The following SLC52A3 variants were observed in gnomAD, a reference collection of about 807,000 sequenced individuals.
SLC52A3 encodes solute carrier family 52 member 3, also known as solute carrier family 52, riboflavin transporter, member 3.
Under a neutral mutation model 29.5 loss-of-function variants are expected in SLC52A3, and 20 were observed. That is an observed-to-expected ratio of 0.68 (90% CI 0.48 to 0.99). SLC52A3 has a LOEUF of 0.99. SLC52A3 is among the 50% of genes least tolerant of loss of function. The pLI is 0.00. For synonymous variants in SLC52A3, 301 were observed against 271.0 expected (o/e 1.11, Z -1.09); for missense variants, 548 against 612.9 (o/e 0.89, Z 1.12).
rs1986654778 is a variant in SLC52A3, at chr20:765,562, T to G, written c.213A>C (p.Glu71Asp). The G allele has an allele frequency of 1.3e-6, 2 of 1,578,988 alleles. No homozygotes were observed. Among genetic ancestry groups the G allele is most frequent in the African/African-American group, 2.7e-5 (2 of 74,292 alleles). ...CCAGCAGGGTGAAGATGATGGGCAC[T>G]TCGGAAAGGCAGCTGGGCCGGAAGT... ...LHHFRPSCLS[E>D]VPIIFTLLGV... The change falls in exon 2 of 5, where the codon GAA (glutamate) becomes GAC (aspartate). Residue 71 changes from glutamate to aspartate, a missense_variant. Glu to Asp is a conservative substitution (Grantham distance 45). Transcript: ENST00000645534. The surrounding 1 kb of genome is among the most constrained non-coding windows in gnomAD (Gnocchi z 6.6).
At chr20:766,576 T>C (rs6085770) in intron 1 of SLC52A3, among the ~76,000 whole-genome samples, 139,716 of 151,946 alleles carry the variant, frequency 0.92, 65,193 homozygotes, top group East Asian at 1. Context: ...GAAGCTCCCC[T>C]ACTGAGCACC....
At chr20:776,510 A>T (rs1289861767), upstream of SLC52A3, among the ~76,000 whole-genome samples, 1 of 152,156 alleles carries the variant, frequency 6.6e-6, no homozygotes, top group East Asian at 1.9e-4. Context: ...TATTTTCCAG[A>T]TGAAGAAACA....
chr20:762,405 T>C (rs1986521109), intron 3 of SLC52A3, among the ~76,000 whole-genome samples: 1 of 152,180 alleles, frequency 6.6e-6, no homozygotes, highest in Non-Finnish European at 1.5e-5. Flanking sequence ...GGCAGCTGGC[T>C]TGTTGCTGCT....
At chr20:775,313 C>T (rs1986982161) in intron 1 of SLC52A3, among the ~76,000 whole-genome samples, 2 of 147,654 alleles carry the variant, frequency 1.4e-5, no homozygotes, top group Non-Finnish European at 3.0e-5. Context: ...GTCGCTCTGT[C>T]ACCCAGGCTG....
chr20:765,278 C>T lies in SLC52A3; in HGVS notation c.497G>A (p.Cys166Tyr). Reference sequence around the variant, plus strand: ...GTCTGATATCTCAGTGACATTGACGCAGGTAGTGAGACCGGAGCCCTGGGC... The same window carrying T: ...GTCTGATATCTCAGTGACATTGACGTAGGTAGTGAGACCGGAGCCCTGGGC... ...ALAQGSGLTTCVNVTEISDSV... is the reference protein window; with the variant it reads ...ALAQGSGLTTYVNVTEISDSV... Residue 166 changes from cysteine (C) to tyrosine (Y), a missense_variant, in exon 2 of 5, where the codon TGC (cysteine) becomes TAC (tyrosine). Cys to Tyr is a radical substitution (Grantham distance 194). Coordinates refer to ENST00000645534, the MANE Select transcript of SLC52A3 (RefSeq NM_033409.4). The surrounding 1 kb of genome is among the most constrained non-coding windows in gnomAD (Gnocchi z 6.6). The T allele has an allele frequency of 6.2e-7, 1 of 1,614,112 alleles. No homozygotes were observed. Among genetic ancestry groups the T allele is most frequent in the African/African-American group, 1.3e-5 (1 of 75,028 alleles).
chr20:763,557 G>T lies in SLC52A3; in HGVS notation c.1014C>A (p.Ala338=). The stretch of plus-strand genomic sequence containing the variant: ...GAGGGTTGGCCACAATGCTGAGGGT[G>T]GCAGCCAGGTGGTAGGCAACTGGCC... ...SYGPVAYHLA[A]TLSIVANPLA... is the part of the protein sequence containing the mutation. The change falls in exon 3 of 5, where the codon GCC becomes GCA. Residue 338 remains alanine, a synonymous_variant. Coordinates refer to ENST00000645534, the MANE Select transcript of SLC52A3 (RefSeq NM_033409.4). 2 of 1,614,176 alleles carry T rather than the reference G, an allele frequency of 1.2e-6. No individual in the cohort carries two copies. The highest frequency in any genetic ancestry group is 1.7e-6 in the Non-Finnish European group (2 of 1,180,028).
chr20:762,547 G>C (rs1986525724), intron 3 of SLC52A3, among the ~76,000 whole-genome samples: 1 of 152,218 alleles, frequency 6.6e-6, no homozygotes, highest in African/African-American at 2.4e-5. Context: ...GGTAAGAACA[G>C]ACAGAGGTCT....
upstream of SLC52A3, among the ~76,000 whole-genome samples, chr20:769,811 G>C (rs887901404): frequency 6.6e-6 from 1 of 151,998 alleles, no homozygotes; most frequent in Non-Finnish European, 1.5e-5. Flanking sequence ...GCCGGAGAAC[G>C]GCTCCAACCT....
chr20:761,320 G>T, intron 4 of SLC52A3, 82 bp from the exon 5 acceptor site: 1 of 1,396,332 alleles, frequency 7.2e-7, no homozygotes, highest in Non-Finnish European at 9.6e-7. Flanking sequence ...ACAGGGCTCA[G>T]GGGAACCCAC....
At position 760,087 on chromosome 20, in the gene SLC52A3, AG is replaced by A. The variant is rs1204248793; in HGVS notation, c.*938del. ...TGAAGGAAGATCTGAGTGTAAAAGC[AG>A]GGAATGCCTTTATTTAAAAAAATGA... On this transcript the variant is annotated 3_prime_UTR_variant, in exon 5 of 5. Coordinates refer to ENST00000645534, the MANE Select transcript of SLC52A3 (RefSeq NM_033409.4). The surrounding 1 kb of genome is among the most constrained non-coding windows in gnomAD (Gnocchi z 4.9). 3 of 152,188 alleles carry A rather than the reference AG, an allele frequency of 2.0e-5. No individual in the cohort carries two copies. The highest frequency in any genetic ancestry group is 4.4e-5 in the Non-Finnish European group (3 of 68,058). The allele number at this position is 152,188 out of a possible 1,614,324, so 9.4% of individuals were successfully genotyped here.
chr20:769,811 G>A (rs887901404), upstream of SLC52A3, among the ~76,000 whole-genome samples: 6 of 151,998 alleles, frequency 3.9e-5, no homozygotes, highest in East Asian at 1.9e-4. Context: ...GCCGGAGAAC[G>A]GCTCCAACCT....
chr20:772,039 T>A (rs1327957882), upstream of SLC52A3, among the ~76,000 whole-genome samples: 1 of 152,232 alleles, frequency 6.6e-6, no homozygotes, highest in African/African-American at 2.4e-5. Context: ...TTGCAGATGA[T>A]GGTGACCTTT....
At chr20:772,599 TTTG>T (rs1555784625), upstream of SLC52A3, among the ~76,000 whole-genome samples, 19 of 150,850 alleles carry the variant, frequency 1.3e-4, no homozygotes, top group Non-Finnish European at 2.1e-4. Context: ...TTTTTTTTTT[TTTG>T]TTGTTGTTGT....
At chr20:777,586 C>T (rs948767236), upstream of SLC52A3, among the ~76,000 whole-genome samples, 2 of 152,214 alleles carry the variant, frequency 1.3e-5, no homozygotes, top group African/African-American at 4.8e-5. Context: ...CTAGTAAATG[C>T]TCAGTGCATA....
Position 763,621 on chromosome 20 carries a change from A to G in SLC52A3, c.950T>C (p.Met317Thr), listed in dbSNP as rs1251411780. 1.2e-6 allele frequency: 2 copies of G among 1,614,100 alleles called. No individual in the cohort carries two copies. Among genetic ancestry groups the G allele is most frequent in the Non-Finnish European group, 1.7e-6 (2 of 1,180,034 alleles). The change falls in exon 3 of 5, where the codon ATG becomes ACG. Residue 317 changes from methionine to threonine, a missense_variant. Met to Thr is a moderately conservative substitution (Grantham distance 81). Around this residue, in one of 2 missense-constraint regions of SLC52A3, gnomAD observed 375 missense variants for 471.1 expected, o/e 0.80. Coordinates refer to ENST00000645534, the MANE Select transcript of SLC52A3 (RefSeq NM_033409.4). Reference protein sequence around the residue: ...VAFVNALTNGMLPSVQTYSCL... With the variant: ...VAFVNALTNGTLPSVQTYSCL... Reference sequence around the variant, plus strand: ...GGAGTAGGTCTGCACAGAGGGCAGCATGCCGTTGGTGAGCGCGTTGACGAA... The same window carrying G: ...GGAGTAGGTCTGCACAGAGGGCAGCGTGCCGTTGGTGAGCGCGTTGACGAA...
Sources: allele counts gnomAD v4.1 joint callset (sites outside exome capture counted in the v4.1 genomes callset), GRCh38; gene constraint gnomAD v4.1.1; regional missense constraint gnomAD v4.1.1; non-coding constraint Gnocchi (gnomAD v3.1); transcripts MANE v1.5; gene names NCBI Gene and HGNC (gene_info 2026-07-23, HGNC 2026-07-21).